Variants in GALNTL6 observed in about 807,000 individuals in gnomAD.
The protein encoded by GALNTL6 is polypeptide N-acetylgalactosaminyltransferase like 6, also known as polypeptide N-acetylgalactosaminyltransferase-like 6.
GALNTL6 carries 46 observed loss-of-function variants against 73.7 expected under a neutral mutation model. The ratio of observed to expected loss-of-function variants is 0.62; its 90% CI spans 0.49 to 0.80. GALNTL6 has a LOEUF of 0.80. Ranked by LOEUF, GALNTL6 falls within the 30% of genes least tolerant of loss-of-function variation. The pLI is 0.00. For missense variants in GALNTL6, 604 were observed against 755.0 expected (o/e 0.80, Z 2.34); for synonymous variants, 259 against 263.7 (o/e 0.98, Z 0.17).
At chr4:171,948,674 CTAATATTATATTAACGCAA>C (rs1236079603) in intron 2 of GALNTL6, among the ~76,000 whole-genome samples, 2 of 152,078 alleles carry the variant, frequency 1.3e-5, no homozygotes, top group Non-Finnish European at 2.9e-5. Context: ...GCTGTTTAAG[CTAATATTATATTAACGCAA>C]TAATATTATG....
intron 2 of GALNTL6, among the ~76,000 whole-genome samples, chr4:171,944,749 T>C (rs1030003208): frequency 1.3e-5 from 2 of 151,952 alleles, no homozygotes; most frequent in Non-Finnish European, 2.9e-5. Context: ...TCTTCACTAA[T>C]ATGTAAGTTA....
At chr4:172,076,280 GA>G (rs201811811) in intron 2 of GALNTL6, among the ~76,000 whole-genome samples, 2,203 of 152,228 alleles carry the variant, frequency 0.014, 27 homozygotes, top group Non-Finnish European at 0.022. Context: ...TCTTTTCACA[GA>G]ATGCAATCTA....
intron 5 of GALNTL6, among the ~76,000 whole-genome samples, chr4:172,691,908 AC>A (rs1474505685): frequency 7.2e-5 from 11 of 152,352 alleles, no homozygotes; most frequent in African/African-American, 2.6e-4. Context: ...AAAGCTGTCA[AC>A]CTTTACATAA....
chr4:172,394,125 C>T (rs1743762689), intron 5 of GALNTL6, among the ~76,000 whole-genome samples: 1 of 152,020 alleles, frequency 6.6e-6, no homozygotes, highest in South Asian at 2.1e-4. Flanking sequence ...TGTTGAGTTT[C>T]TTTACACCAC....
chr4:172,705,563 G>T (rs910230801), intron 5 of GALNTL6, among the ~76,000 whole-genome samples: 1 of 151,188 alleles, frequency 6.6e-6, no homozygotes, highest in East Asian at 1.9e-4. Context: ...TTTTCTCTGG[G>T]TATTTACTTT....
chr4:171,904,438 C>T (rs1056014388), intron 2 of GALNTL6, among the ~76,000 whole-genome samples: 8 of 151,754 alleles, frequency 5.3e-5, no homozygotes, highest in East Asian at 1.9e-4. Context: ...AAGGGAAGTT[C>T]GGAGAAAAAA....
chr4:172,676,610 AG>A (rs1732316023), intron 5 of GALNTL6, among the ~76,000 whole-genome samples: 2 of 152,210 alleles, frequency 1.3e-5, no homozygotes, highest in African/African-American at 2.4e-5. Flanking sequence ...TGCCCTTAAA[AG>A]TAGGGGTTAG....
At chr4:172,999,896 A>G (rs112643009) in intron 10 of GALNTL6, among the ~76,000 whole-genome samples, 92 of 152,264 alleles carry the variant, frequency 6.0e-4, no homozygotes, top group African/African-American at 1.5e-3. Flanking sequence ...CTTTCTCATA[A>G]TCACCAGAAT....
intron 12 of GALNTL6, among the ~76,000 whole-genome samples, chr4:173,031,018 G>GAA (rs1344393855): frequency 6.6e-6 from 1 of 151,192 alleles, no homozygotes; most frequent in African/African-American, 2.4e-5. Context: ...AAAGAAAAGA[G>GAA]AGAGAGAGAG....
chr4:172,782,954 T>C (rs1739451105), intron 5 of GALNTL6, among the ~76,000 whole-genome samples: 1 of 151,992 alleles, frequency 6.6e-6, no homozygotes, highest in Non-Finnish European at 1.5e-5. Flanking sequence ...TCACATGTAT[T>C]TCCCAGGACA....
intron 5 of GALNTL6, among the ~76,000 whole-genome samples, chr4:172,463,393 T>C (rs369539954): frequency 1.3e-5 from 2 of 151,390 alleles, no homozygotes; most frequent in East Asian, 3.9e-4. Context: ...AGTCAGACTT[T>C]TGGATGTGTC....
chr4:171,851,396 G>A (rs188933187), intron 2 of GALNTL6, among the ~76,000 whole-genome samples: 1 of 152,116 alleles, frequency 6.6e-6, no homozygotes, highest in Non-Finnish European at 1.5e-5. Context: ...AAAGTAGAAG[G>A]TTCATTTAAA....
At position 172,676,353 on chromosome 4, in the gene GALNTL6, A is replaced by G. The variant is rs1732301109; in HGVS notation, c.554-133008A>G. Among the ~76,000 whole-genome samples, 3 of 152,218 alleles carry G rather than the reference A, an allele frequency of 2.0e-5. No individual in the cohort carries two copies. The South Asian group carries it at 6.2e-4, about 31-fold the overall frequency. On this transcript the variant is annotated intron_variant, in intron 5 of 12. Coordinates refer to ENST00000506823, the MANE Select transcript of GALNTL6 (RefSeq NM_001034845.3). ...CTTCTCTCTTTGACTTCTCTCTGGT[A>G]CTTCCAGGAGAAAAATTCGTGAAGC... is the stretch of plus-strand genomic sequence containing the variant.
At chr4:172,733,536 C>T (rs904766341) in intron 5 of GALNTL6, among the ~76,000 whole-genome samples, 6 of 152,122 alleles carry the variant, frequency 3.9e-5, no homozygotes, top group Admixed American at 3.9e-4. Flanking sequence ...CCCATAATCC[C>T]TATGTATGGT....
chr4:171,876,703 A>T (rs1736291603), intron 2 of GALNTL6, among the ~76,000 whole-genome samples: 1 of 152,230 alleles, frequency 6.6e-6, no homozygotes, highest in South Asian at 2.1e-4. Context: ...AAAATGGCAT[A>T]CATCTTCTGA....
intron 5 of GALNTL6, among the ~76,000 whole-genome samples, chr4:172,476,203 G>A (rs1176491384): frequency 2.0e-5 from 3 of 152,214 alleles, no homozygotes; most frequent in Non-Finnish European, 4.4e-5. Flanking sequence ...CTGTGAATGG[G>A]AAGTCCCAGA....
chr4:172,790,957 C>T (rs1281997652), intron 5 of GALNTL6, among the ~76,000 whole-genome samples: 1 of 148,676 alleles, frequency 6.7e-6, no homozygotes, highest in East Asian at 2.0e-4. Flanking sequence ...TAGCAAAGCA[C>T]ACAGTAGCTA....
At chr4:172,762,779 C>T (rs953246696) in intron 5 of GALNTL6, among the ~76,000 whole-genome samples, 2 of 19,118 alleles carry the variant, frequency 1.0e-4, no homozygotes, top group Non-Finnish European at 2.0e-4. Flanking sequence ...ACAGCAGATT[C>T]ACTCAAAAAA....
At chr4:172,084,721 G>A (rs1446067870) in intron 2 of GALNTL6, among the ~76,000 whole-genome samples, 1 of 152,010 alleles carries the variant, frequency 6.6e-6, no homozygotes, top group African/African-American at 2.4e-5. Context: ...CAGGCAATTT[G>A]GCCTATCGTA....
Sources: allele counts gnomAD v4.1 joint callset (sites outside exome capture counted in the v4.1 genomes callset), GRCh38; gene constraint gnomAD v4.1.1; transcripts MANE v1.5; gene names NCBI Gene and HGNC (gene_info 2026-07-23, HGNC 2026-07-21).